ARSB: variants seen among roughly 807,000 people sequenced by gnomAD.
ARSB encodes the protein arylsulfatase B, also known as N-acetylgalactosamine-4-sulfatase.
ARSB carries 41 observed loss-of-function variants against 50.9 expected under a neutral mutation model. That is an observed-to-expected ratio of 0.81 (90% CI 0.63 to 1.04). The LOEUF (loss-of-function observed/expected upper bound fraction) is 1.04. Among genes scored for constraint, ARSB ranks in the 50% least tolerant of loss-of-function variants. The probability of loss-of-function intolerance (pLI) is 0.00; values close to 1 mark genes in which losing one functional copy is unlikely to be tolerated. For synonymous variants in ARSB, 269 were observed against 284.8 expected (o/e 0.94, Z 0.56); for missense variants, 672 against 693.3 (o/e 0.97, Z 0.35).
At chr5:78,813,031 A>T (rs2112661490) in intron 6 of ARSB, among the ~76,000 whole-genome samples, 1 of 152,222 alleles carries the variant, frequency 6.6e-6, no homozygotes, top group Middle Eastern at 3.4e-3. Flanking sequence ...AAAGTTTACA[A>T]ATTATGTGTA....
At chr5:78,806,960 A>C (rs1312155641) in intron 6 of ARSB, among the ~76,000 whole-genome samples, 2 of 152,180 alleles carry the variant, frequency 1.3e-5, no homozygotes, top group African/African-American at 4.8e-5. Flanking sequence ...GTCACCTCCG[A>C]TTAGCTACTC....
intron 6 of ARSB, among the ~76,000 whole-genome samples, chr5:78,786,459 CCATTAA>C (rs369337634): frequency 4.6e-4 from 70 of 152,196 alleles, no homozygotes; most frequent in African/African-American, 1.6e-3. Context: ...GAGTAATGTA[CCATTAA>C]CATTCATGTA....
intron 2 of ARSB, among the ~76,000 whole-genome samples, chr5:78,966,787 T>C (rs1752224163): frequency 1.3e-5 from 2 of 152,232 alleles, no homozygotes; most frequent in Admixed American, 1.3e-4. Flanking sequence ...ACTCATCTTT[T>C]AGCAAAGGCC....
intron 5 of ARSB, among the ~76,000 whole-genome samples, chr5:78,867,139 A>G (rs1342470105): frequency 6.6e-6 from 1 of 152,186 alleles, no homozygotes; most frequent in Non-Finnish European, 1.5e-5. Flanking sequence ...CCACGAGACT[A>G]TATCCCACAC....
chr5:78,801,761 G>A (rs543802438), intron 6 of ARSB, among the ~76,000 whole-genome samples: 1 of 152,244 alleles, frequency 6.6e-6, no homozygotes, highest in Admixed American at 6.5e-5. Flanking sequence ...CTCATGCACA[G>A]CCTTCCATGC....
At chr5:78,898,239 C>T (rs1748660849) in intron 4 of ARSB, among the ~76,000 whole-genome samples, 1 of 152,214 alleles carries the variant, frequency 6.6e-6, no homozygotes, top group African/African-American at 2.4e-5. Flanking sequence ...GCACTCCAGC[C>T]TGGGCGACAG....
At chr5:78,813,063 T>TCTTC (rs112439151) in intron 6 of ARSB, among the ~76,000 whole-genome samples, 12,797 of 151,808 alleles carry the variant, frequency 0.084, 560 homozygotes, top group East Asian at 0.13. Flanking sequence ...TAAGTAAATT[T>TCTTC]CTTCCTTCCT....
intron 2 of ARSB, among the ~76,000 whole-genome samples, chr5:78,967,838 T>C (rs140079518): frequency 2.2e-4 from 33 of 152,288 alleles, no homozygotes; most frequent in African/African-American, 7.2e-4. Context: ...ATGTGTTCCT[T>C]TTTGGCTACG....
chr5:78,834,646 T>TATATGC (rs35626755), intron 6 of ARSB, among the ~76,000 whole-genome samples: 17 of 133,794 alleles, frequency 1.3e-4, no homozygotes, highest in East Asian at 6.6e-4. Flanking sequence ...TATATATATA[T>TATATGC]GCCACATTTT....
chr5:78,792,533 C>G (rs1032279584), intron 6 of ARSB, among the ~76,000 whole-genome samples: 3 of 152,308 alleles, frequency 2.0e-5, no homozygotes, highest in Middle Eastern at 3.4e-3. Flanking sequence ...GCCTTTAGAA[C>G]AAGCTCTTTT....
In ARSB at chr5:78,936,001, TTCTTTCTG is replaced by T. The variant is rs1313924921; in HGVS notation, c.898+19286_898+19293del. On this transcript the variant is annotated intron_variant, in intron 4 of 7. Coordinates refer to ENST00000264914, the MANE Select transcript of ARSB (RefSeq NM_000046.5). ...CCTTCCTTTTCTTTCCTCCTTTCTTTTCTTTCTGTCTTTCTCTCTGTCTCTCCCCCCCC... is the reference window on the plus strand; with the variant it reads ...CCTTCCTTTTCTTTCCTCCTTTCTTTTCTTTCTCTCTGTCTCTCCCCCCCC... Among the ~76,000 whole-genome samples, 72 of 9,022 alleles carry T rather than the reference TTCTTTCTG, an allele frequency of 8.0e-3. 3 individuals are homozygous for T. The Admixed American group carries it at 0.21, about 27-fold the overall frequency. The allele number at this position is 9,022 out of a possible 152,430, so 5.9% of individuals were successfully genotyped here.
chr5:78,792,398 T>C (rs1742989946), intron 6 of ARSB, among the ~76,000 whole-genome samples: 1 of 151,122 alleles, frequency 6.6e-6, no homozygotes, highest in African/African-American at 2.4e-5. Context: ...AAAAAAAAGT[T>C]ACGCATTCAA....
chr5:78,781,903 C>G lies in ARSB; in HGVS notation c.1285G>C (p.Val429Leu). Residue 429 changes from valine (V) to leucine (L), a missense_variant, in exon 7 of 8, where the codon GTC becomes CTC. Coordinates refer to ENST00000264914, the MANE Select transcript of ARSB (RefSeq NM_000046.5). ...LPEYSAFNTS[V>L]HAAIRHGNWK... ...TTTCCATGTCTAATTGCAGCATGGACAGATGTGTTAAAGGCTGAATATTCT... is the reference window on the plus strand; with the variant it reads ...TTTCCATGTCTAATTGCAGCATGGAGAGATGTGTTAAAGGCTGAATATTCT... The G allele has an allele frequency of 6.2e-7, 1 of 1,614,094 alleles. No individual in the cohort carries two copies. Among genetic ancestry groups the G allele is most frequent in the Non-Finnish European group, 8.5e-7 (1 of 1,179,964 alleles).
At chr5:78,956,193 A>C (rs922140161) in intron 3 of ARSB, among the ~76,000 whole-genome samples, 2 of 152,260 alleles carry the variant, frequency 1.3e-5, no homozygotes, top group Non-Finnish European at 2.9e-5. Flanking sequence ...CAATAAATGA[A>C]ATAAAGTATT....
rs1430231191 is a variant in ARSB, at chr5:78,958,259, G to A, written c.691-2757C>T. 3.3e-5 allele frequency among the ~76,000 whole-genome samples: 5 copies of A among 152,228 alleles called. No homozygotes were observed. The South Asian group carries it at 6.2e-4, about 19-fold the overall frequency. ...GGGGGCAGGGGATACAGTGGGGAGA[G>A]AGGGGGCCCACAGCTTAAGGAGAAG... On this transcript the variant is annotated intron_variant, in intron 3 of 7. Coordinates refer to ENST00000264914, the MANE Select transcript of ARSB (RefSeq NM_000046.5).
rs375647920 is a variant in ARSB at position 78,985,068 on chromosome 5, C to T, written c.181G>A (p.Gly61Ser). 2.7e-5 allele frequency: 41 copies of T among 1,543,764 alleles called. No homozygotes were observed. In the East Asian group the frequency reaches 3.5e-4, roughly 13 times the overall value. ...LADDLGWNDV[G>S]FHGSRIRTPH... Reference sequence around the variant, plus strand: ...GTGCGGATGCGGGAGCCGTGGAAGCCGACGTCGTTCCAGCCTAGGTCGTCT... The same window carrying T: ...GTGCGGATGCGGGAGCCGTGGAAGCTGACGTCGTTCCAGCCTAGGTCGTCT... The change falls in exon 1 of 8, where the codon GGC (glycine) becomes AGC (serine). Residue 61 changes from glycine (G) to serine (S), a missense_variant. Gly to Ser is a moderately conservative substitution (Grantham distance 56). Coordinates refer to ENST00000264914, the MANE Select transcript of ARSB (RefSeq NM_000046.5).
At chr5:78,789,721 A>G (rs73120606) in intron 6 of ARSB, among the ~76,000 whole-genome samples, 2,205 of 152,316 alleles carry the variant, frequency 0.014, 53 homozygotes, top group African/African-American at 0.05. Flanking sequence ...ATAATAATAA[A>G]ATAGTAATAG....
intron 6 of ARSB, among the ~76,000 whole-genome samples, chr5:78,783,093 G>A (rs1343066980): frequency 6.6e-6 from 1 of 152,124 alleles, no homozygotes; most frequent in East Asian, 1.9e-4. Context: ...AGGCCTAGCT[G>A]AATAACATAT....
intron 5 of ARSB, among the ~76,000 whole-genome samples, chr5:78,851,474 T>G (rs1242073637): frequency 6.6e-6 from 1 of 152,204 alleles, no homozygotes; most frequent in East Asian, 1.9e-4. Flanking sequence ...AGTGCTTTAC[T>G]TCCAACTATG....
Sources: gnomAD v4.1 joint callset for allele counts (sites outside exome capture counted in the v4.1 genomes callset) on GRCh38, gnomAD v4.1.1 for gene constraint, MANE v1.5 for transcripts, NCBI Gene and HGNC (gene_info 2026-07-23, HGNC 2026-07-21) for gene names.